Variants in FMN2 observed in about 807,000 individuals in gnomAD.
FMN2 encodes formin 2.
FMN2 carries 51 observed loss-of-function variants against 142.3 expected under a neutral mutation model. The observed-to-expected ratio is 0.36, with a 90% CI of 0.29 to 0.45. The LOEUF is 0.45. Among genes scored for constraint, FMN2 ranks in the 20% least tolerant of loss-of-function variants. The pLI is 1.00. For synonymous variants in FMN2, 882 were observed against 869.8 expected (o/e 1.01, Z -0.25); for missense variants, 1,936 against 2,122.8 (o/e 0.91, Z 1.73).
At chr1:240,112,284 A>G (rs891204380) in intron 1 of FMN2, among the ~76,000 whole-genome samples, 1 of 152,004 alleles carries the variant, frequency 6.6e-6, no homozygotes, top group East Asian at 1.9e-4. Context: ...GGCACGCACC[A>G]CCACACCCAG....
rs1271818697 is a variant in FMN2, at chr1:240,207,318, G to A, written c.2506G>A (p.Glu836Lys). The change falls in exon 5 of 18, where the codon GAG becomes AAG. Residue 836 changes from glutamate to lysine, a missense_variant. This residue lies in a region of FMN2 where 478 missense variants were observed against 462.8 expected (regional missense o/e 1.03). Coordinates refer to ENST00000319653, the MANE Select transcript of FMN2 (RefSeq NM_020066.5). ...ACAGCCGCCCCATTCTATTTCTACC[G>A]AGTTTCAAACCAGCCACGAACACTC... ...GSQPPHSIST[E>K]FQTSHEHSVS... 6.2e-7 allele frequency: 1 copy of A among 1,613,720 alleles called. No homozygotes were observed. The highest frequency in any genetic ancestry group is 1.1e-5 in the South Asian group (1 of 91,060).
At chr1:240,294,548 G>C (rs1333483478) in intron 7 of FMN2, among the ~76,000 whole-genome samples, 1 of 152,148 alleles carries the variant, frequency 6.6e-6, no homozygotes, top group African/African-American at 2.4e-5. Context: ...CATTCAGTTC[G>C]GCTGTGAAAA....
At chr1:240,468,212 G>A (rs900430239) in intron 16 of FMN2, among the ~76,000 whole-genome samples, 24 of 146,224 alleles carry the variant, frequency 1.6e-4, no homozygotes, top group South Asian at 8.5e-4. Flanking sequence ...ATATATGTGT[G>A]TGTGTGTGTG....
intron 15 of FMN2, among the ~76,000 whole-genome samples, chr1:240,396,123 A>G (rs976526636): frequency 1.3e-5 from 2 of 152,252 alleles, no homozygotes; most frequent in South Asian, 4.1e-4. Flanking sequence ...GTATTTGCTA[A>G]TAAAGTATGC....
At chr1:240,272,336 C>T (rs1319242979) in intron 7 of FMN2, among the ~76,000 whole-genome samples, 1 of 151,762 alleles carries the variant, frequency 6.6e-6, no homozygotes, top group African/African-American at 2.4e-5. Context: ...TCAACTTTGA[C>T]CCTTGAACTA....
intron 16 of FMN2, among the ~76,000 whole-genome samples, chr1:240,464,267 A>G (rs1327747879): frequency 1.3e-5 from 2 of 152,180 alleles, no homozygotes; most frequent in Non-Finnish European, 2.9e-5. Context: ...TTCTAAAATT[A>G]TGGGGGAGAG....
intron 2 of FMN2, among the ~76,000 whole-genome samples, chr1:240,127,369 G>C (rs1662556864): frequency 6.6e-6 from 1 of 150,700 alleles, no homozygotes; most frequent in Non-Finnish European, 1.5e-5. Context: ...ACCATACCTG[G>C]CTTTTTTTTT....
chr1:240,126,495 G>A (rs1057035827), intron 2 of FMN2, among the ~76,000 whole-genome samples: 1 of 151,650 alleles, frequency 6.6e-6, no homozygotes, highest in African/African-American at 2.4e-5. Flanking sequence ...CTTCACTGAT[G>A]TAGTTTATGT....
intron 14 of FMN2, among the ~76,000 whole-genome samples, chr1:240,368,727 G>T (rs558263774): frequency 6.6e-6 from 1 of 152,098 alleles, no homozygotes; most frequent in South Asian, 2.1e-4. Context: ...GACAGAAAGA[G>T]TAGAAATGTC....
At chr1:240,170,695 AT>A (rs1664664804) in intron 2 of FMN2, 1 of 1,563,736 alleles carries the variant, frequency 6.4e-7, no homozygotes, top group African/African-American at 1.4e-5. Context: ...AGGTTGTGGC[AT>A]TTCAGCTGGT....
At chr1:240,389,904 G>GT (rs1282088725) in intron 14 of FMN2, among the ~76,000 whole-genome samples, 1 of 152,128 alleles carries the variant, frequency 6.6e-6, no homozygotes, top group Non-Finnish European at 1.5e-5. Context: ...GTGAGCCATC[G>GT]TTGTACCACT....
rs994751521 is a variant in FMN2, at chr1:240,332,942, A to G, written c.4585-945A>G. On this transcript the variant is annotated intron_variant, in intron 11 of 17. Coordinates refer to ENST00000319653, the MANE Select transcript of FMN2 (RefSeq NM_020066.5). ...AGTTGCTTAAATCATTTTACAAGCAAATCCTGTCTAATGAGGGATATCTCT... is the reference window on the plus strand; with the variant it reads ...AGTTGCTTAAATCATTTTACAAGCAGATCCTGTCTAATGAGGGATATCTCT... Among the ~76,000 whole-genome samples, 8 of 152,300 alleles carry G rather than the reference A, an allele frequency of 5.3e-5. No homozygotes were observed. In the East Asian group the frequency reaches 1.4e-3, roughly 26 times the overall value.
At chr1:240,298,296 A>G (rs1463971908) in intron 8 of FMN2, among the ~76,000 whole-genome samples, 4 of 152,240 alleles carry the variant, frequency 2.6e-5, no homozygotes, top group Non-Finnish European at 5.9e-5. Flanking sequence ...GAACAATAAC[A>G]GGTCATTGTG....
At chr1:240,265,765 A>C (rs902094014) in intron 7 of FMN2, among the ~76,000 whole-genome samples, 9 of 152,064 alleles carry the variant, frequency 5.9e-5, no homozygotes, top group Non-Finnish European at 7.4e-5. Context: ...AAGGCTATTG[A>C]GTTCTGATTG....
At chr1:240,143,168 A>C in intron 2 of FMN2, 1 of 1,580,124 alleles carries the variant, frequency 6.3e-7, no homozygotes, top group Non-Finnish European at 8.7e-7. Flanking sequence ...GCAACATTGC[A>C]GCCAGACGGG....
chr1:240,094,467 G>C lies in FMN2; in HGVS notation c.1615+743G>C, dbSNP rs554559374. ...GGTCAAAAGCACGTCTAGTCCAACT[G>C]GTACCTCCCCTCCCTAGCATATGTT... On this transcript the variant is annotated intron_variant, in intron 1 of 17. Coordinates refer to ENST00000319653, the MANE Select transcript of FMN2 (RefSeq NM_020066.5). Among the ~76,000 whole-genome samples, 2 of 152,276 alleles carry C rather than the reference G, an allele frequency of 1.3e-5. 1 individual carries two copies. Among genetic ancestry groups the C allele is most frequent in the Admixed American group, 1.3e-4 (2 of 15,296 alleles).
chr1:240,186,884 T>C (rs149393131), intron 3 of FMN2, among the ~76,000 whole-genome samples: 2 of 151,678 alleles, frequency 1.3e-5, no homozygotes. Context: ...TTAAGCTGTT[T>C]AAATACTAAA....
Position 240,396,940 on chromosome 1 carries a change from C to T in FMN2, c.4910+4378C>T, listed in dbSNP as rs189038846. On this transcript the variant is annotated intron_variant, in intron 15 of 17. Coordinates refer to ENST00000319653, the MANE Select transcript of FMN2 (RefSeq NM_020066.5). ...ACGAGTGTGTGTGTTTTTGATAGAA[C>T]GCATTATTTTCCTTTGGGTGTATAT... Among the ~76,000 whole-genome samples the T allele has an allele frequency of 1.1e-4, 16 of 152,162 alleles. 1 individual carries two copies. Among genetic ancestry groups the T allele is most frequent in the South Asian group, 4.1e-4 (2 of 4,822 alleles).
intron 16 of FMN2, among the ~76,000 whole-genome samples, chr1:240,460,632 A>G (rs1283684864): frequency 6.6e-6 from 1 of 152,008 alleles, no homozygotes; most frequent in African/African-American, 2.4e-5. Context: ...AATAAATAAA[A>G]TACATGTAAA....
Sources: gnomAD v4.1 joint callset for allele counts (sites outside exome capture counted in the v4.1 genomes callset) on GRCh38, gnomAD v4.1.1 for gene constraint, gnomAD v4.1.1 regional missense constraint, MANE v1.5 for transcripts, NCBI Gene and HGNC (gene_info 2026-07-23, HGNC 2026-07-21) for gene names.